SLC24A3: variants seen among roughly 807,000 people sequenced by gnomAD.
SLC24A3 encodes solute carrier family 24 member 3.
Under a neutral mutation model 75.8 loss-of-function variants are expected in SLC24A3, and 28 were observed. The ratio of observed to expected loss-of-function variants is 0.37; its 90% CI spans 0.27 to 0.51. The LOEUF (loss-of-function observed/expected upper bound fraction) is 0.51. SLC24A3 is among the 20% of genes least tolerant of loss of function. SLC24A3 has a pLI of 0.94. For synonymous variants in SLC24A3, 372 were observed against 334.1 expected, an observed-to-expected ratio of 1.11 and a Z score of -1.24; for missense variants, 663 against 847.8, an observed-to-expected ratio of 0.78 and a Z score of 2.71.
At chr20:19,338,947 T>A (rs1425885616) in intron 2 of SLC24A3, among the ~76,000 whole-genome samples, 1 of 152,146 alleles carries the variant, frequency 6.6e-6, no homozygotes, top group Non-Finnish European at 1.5e-5. Flanking sequence ...CTGGGAAGGC[T>A]TAGTTTTAGC....
intron 2 of SLC24A3, among the ~76,000 whole-genome samples, chr20:19,388,885 A>G (rs1986319644): frequency 6.6e-6 from 1 of 152,100 alleles, no homozygotes; most frequent in Admixed American, 6.6e-5. Context: ...CTATCATTTT[A>G]AAATTGTTTT....
At chr20:19,567,378 A>G (rs2030975823) in intron 3 of SLC24A3, among the ~76,000 whole-genome samples, 1 of 152,238 alleles carries the variant, frequency 6.6e-6, no homozygotes, top group African/African-American at 2.4e-5. Context: ...TTGTAGCAAC[A>G]TAGATGGAGC....
In SLC24A3 at chr20:19,578,632, C is replaced by T. The variant is rs73900556; in HGVS notation, c.349-1368C>T. ...CCCTGTGTGAGGAGGAGGGGATGTACGACTCCCATCCTGAGGAGCACTTCT... is the reference window on the plus strand; with the variant it reads ...CCCTGTGTGAGGAGGAGGGGATGTATGACTCCCATCCTGAGGAGCACTTCT... On this transcript the variant is annotated intron_variant, in intron 3 of 16. Transcript: ENST00000328041. 7.9e-3 allele frequency among the ~76,000 whole-genome samples: 1,195 copies of T among 152,002 alleles called. 12 individuals carry two copies. The highest frequency in any genetic ancestry group is 0.027 in the African/African-American group (1,134 of 41,448).
At chr20:19,344,855 G>A (rs776012044) in intron 2 of SLC24A3, among the ~76,000 whole-genome samples, 2 of 152,004 alleles carry the variant, frequency 1.3e-5, no homozygotes, top group African/African-American at 2.4e-5. Context: ...ACTACTCCAC[G>A]TCACATGGAG....
At chr20:19,295,778 A>G (rs1984042846) in intron 2 of SLC24A3, among the ~76,000 whole-genome samples, 1 of 150,342 alleles carries the variant, frequency 6.7e-6, no homozygotes, top group African/African-American at 2.4e-5. Context: ...GGATTTTTGC[A>G]TAGATGTTCA....
rs1568563470 is a variant in SLC24A3, at chr20:19,230,653, CATATTGATGG to C, written c.142+17670_142+17679del. Among the ~76,000 whole-genome samples, 46 of 71,136 alleles carry C rather than the reference CATATTGATGG, an allele frequency of 6.5e-4. 1 individual carries two copies. The East Asian group carries it at 0.034, about 52-fold the overall frequency. 46.7% of individuals were successfully genotyped at this position (71,136 alleles called of 152,430 possible). A position where few individuals can be genotyped will look rare whatever the true frequency, so the allele number is the denominator to read the frequency against. ...GGGGGAATGGATGGGTATAGAAAGA[CATATTGATGG>C]GGGGGGTGCCCTTTACAACAGTTCC... On this transcript the variant is annotated intron_variant, in intron 1 of 16. Transcript: ENST00000328041.
chr20:19,325,925 A>G (rs963833020), intron 2 of SLC24A3, among the ~76,000 whole-genome samples: 3 of 150,598 alleles, frequency 2.0e-5, no homozygotes, highest in Non-Finnish European at 4.4e-5. Context: ...GTCTGAGGGT[A>G]ATTTTATACA....
At chr20:19,616,481 G>A (rs2031738308) in intron 6 of SLC24A3, among the ~76,000 whole-genome samples, 1 of 152,220 alleles carries the variant, frequency 6.6e-6, no homozygotes, top group African/African-American at 2.4e-5. Context: ...GGGAGGTGGG[G>A]TGAGTGCTTG....
intron 1 of SLC24A3, among the ~76,000 whole-genome samples, chr20:19,233,967 T>A (rs1433808404): frequency 1.3e-5 from 2 of 152,246 alleles, no homozygotes; most frequent in Non-Finnish European, 2.9e-5. Flanking sequence ...GTCTCTAGCC[T>A]CCTGAAAGAT....
intron 6 of SLC24A3, among the ~76,000 whole-genome samples, chr20:19,639,491 G>A (rs975641737): frequency 6.6e-6 from 1 of 152,268 alleles, no homozygotes; most frequent in African/African-American, 2.4e-5. Flanking sequence ...GTGCCCATTG[G>A]TGTATTTACA....
chr20:19,242,383 G>A (rs559383796), intron 1 of SLC24A3: 37 of 152,328 alleles, frequency 2.4e-4, no homozygotes, highest in African/African-American at 7.7e-4. Flanking sequence ...TATTGCATTT[G>A]AGATGTCCCA....
At position 19,585,068 on chromosome 20, in the gene SLC24A3, C is replaced by G; in HGVS notation, c.508+13C>G. 1 of 1,605,420 alleles carries G rather than the reference C, an allele frequency of 6.2e-7. No individual in the cohort carries two copies. Among genetic ancestry groups the G allele is most frequent in the Non-Finnish European group, 8.5e-7 (1 of 1,172,804 alleles). On this transcript the variant is annotated intron_variant, in intron 5 of 16. Transcript: ENST00000328041. ...ACATCGGTCATAGGTAGGTGACAGA[C>G]TGAGGGACATCTCAGACCTTCACTG...
intron 2 of SLC24A3, among the ~76,000 whole-genome samples, chr20:19,472,960 C>T (rs1472576909): frequency 6.6e-6 from 1 of 152,210 alleles, no homozygotes; most frequent in Non-Finnish European, 1.5e-5. Context: ...GGGTGTTTAG[C>T]CCATTGAACA....
intron 6 of SLC24A3, among the ~76,000 whole-genome samples, chr20:19,629,268 A>C (rs1390028626): frequency 1.6e-4 from 25 of 152,184 alleles, no homozygotes; most frequent in Admixed American, 1.6e-3. Context: ...GAATTGAAAA[A>C]TTCACCAGAA....
intron 7 of SLC24A3, among the ~76,000 whole-genome samples, chr20:19,660,644 G>A (rs1291988116): frequency 1.3e-5 from 2 of 152,066 alleles, no homozygotes; most frequent in East Asian, 1.9e-4. Context: ...TTTCTTCGGG[G>A]TAGATACCCA....
chr20:19,625,751 A>G (rs1001959108), intron 6 of SLC24A3, among the ~76,000 whole-genome samples: 4 of 152,190 alleles, frequency 2.6e-5, no homozygotes, highest in African/African-American at 9.6e-5. Flanking sequence ...TTTGTCATTT[A>G]TTCCTACTGA....
intron 2 of SLC24A3, among the ~76,000 whole-genome samples, chr20:19,483,404 G>A (rs978129344): frequency 2.0e-5 from 3 of 152,228 alleles, no homozygotes; most frequent in African/African-American, 7.2e-5. Flanking sequence ...AGCCAGCCTA[G>A]GACACTTGAC....
intron 2 of SLC24A3, among the ~76,000 whole-genome samples, chr20:19,296,268 C>CTTTT (rs35229035): frequency 0.27 from 19,495 of 72,038 alleles, 3,602 homozygotes; most frequent in Middle Eastern, 0.38. Context: ...AGCTAGTGGT[C>CTTTT]TTTTTTTTTT....
At chr20:19,524,249 T>G (rs544782761) in intron 3 of SLC24A3, among the ~76,000 whole-genome samples, 72 of 152,340 alleles carry the variant, frequency 4.7e-4, no homozygotes, top group Middle Eastern at 3.4e-3. Context: ...CACCTGCTTC[T>G]GAGGCACAGC....
Sources: allele counts gnomAD v4.1 joint callset (sites outside exome capture counted in the v4.1 genomes callset), GRCh38; gene constraint gnomAD v4.1.1; transcripts MANE v1.5; gene names NCBI Gene and HGNC (gene_info 2026-07-23, HGNC 2026-07-21).